PRDX1: variants seen among roughly 807,000 people sequenced by gnomAD.
The protein encoded by PRDX1 is peroxiredoxin-1.
PRDX1 carries 19 observed loss-of-function variants against 20.7 expected under a neutral mutation model. The ratio of observed to expected loss-of-function variants is 0.92; its 90% confidence interval spans 0.64 to 1.35. The LOEUF is 1.35. PRDX1 is among the 40% of genes most tolerant of loss of function. PRDX1 has a pLI of 0.00. For synonymous variants in PRDX1, 89 were observed against 83.9 expected, an observed-to-expected ratio of 1.06 and a Z score of -0.33; for missense variants, 226 against 240.0, an observed-to-expected ratio of 0.94 and a Z score of 0.38.
rs757537006 is a variant in PRDX1, at chr1:45,518,958, A to G, written c.86T>C (p.Ile29Thr). 2.5e-6 allele frequency: 4 copies of G among 1,604,378 alleles called. 1 individual carries two copies. Among genetic ancestry groups the G allele is most frequent in the Non-Finnish European group, 3.4e-6 (4 of 1,175,516 alleles). The part of the protein sequence containing the change: ...AVMPDGQFKD[I>T]SLSDYKGKYV... ...CTCACCTTTGTAGTCAGACAGGCTGATATCTTTAAACTGACCATCTGGCAT... is the reference window on the plus strand; with the variant it reads ...CTCACCTTTGTAGTCAGACAGGCTGGTATCTTTAAACTGACCATCTGGCAT... Residue 29 changes from isoleucine to threonine, a missense_variant, in exon 2 of 6, where the codon ATC becomes ACC. Physicochemically the swap from Ile to Thr is moderately conservative, Grantham distance 89. Coordinates refer to ENST00000319248, the MANE Select transcript of PRDX1 (RefSeq NM_181697.3).
At chr1:45,520,203 T>TC (rs1230130823) in intron 1 of PRDX1, among the ~76,000 whole-genome samples, 1 of 76,538 alleles carries the variant, frequency 1.3e-5, no homozygotes, top group Non-Finnish European at 2.3e-5. Flanking sequence ...AGACTCTGTC[T>TC]CCAAAAAAAA....
intron 2 of PRDX1, 106 bp from the exon 3 acceptor site, chr1:45,515,913 A>C: frequency 8.9e-7 from 1 of 1,129,680 alleles, no homozygotes; most frequent in Non-Finnish European, 1.2e-6. Flanking sequence ...ATAACCACTA[A>C]CTGCCAAGAT....
In PRDX1 at chr1:45,517,674, C is replaced by G. The variant is rs531176398; in HGVS notation, c.106+1264G>C. Among the ~76,000 whole-genome samples, 66 of 150,356 alleles carry G rather than the reference C, an allele frequency of 4.4e-4. No homozygotes were observed. The South Asian group carries it at 0.013, about 30-fold the overall frequency. On this transcript the variant is annotated intron_variant, in intron 2 of 5. Coordinates refer to ENST00000319248, the MANE Select transcript of PRDX1 (RefSeq NM_181697.3). Reference sequence around the variant, plus strand: ...GCGGGCGCCTGTAGTCCCAGCTACTCAAGAGGCTGAGGCCTGAGAATGGCA... The same window carrying G: ...GCGGGCGCCTGTAGTCCCAGCTACTGAAGAGGCTGAGGCCTGAGAATGGCA...
At chr1:45,520,628 G>C (rs1359672212) in intron 1 of PRDX1, among the ~76,000 whole-genome samples, 4 of 151,418 alleles carry the variant, frequency 2.6e-5, no homozygotes, top group Non-Finnish European at 5.9e-5. Context: ...GGAGGCTGAG[G>C]CAGGAGAATG....
intron 1 of PRDX1, among the ~76,000 whole-genome samples, chr1:45,521,327 T>C (rs1476807642): frequency 6.6e-6 from 1 of 152,074 alleles, no homozygotes; most frequent in African/African-American, 2.4e-5. Flanking sequence ...AGCGGGGACA[T>C]TTGGGCTCAT....
At chr1:45,517,875 G>T (rs1403502601) in intron 2 of PRDX1, among the ~76,000 whole-genome samples, 3 of 52,718 alleles carry the variant, frequency 5.7e-5, no homozygotes, top group Non-Finnish European at 1.3e-4. Flanking sequence ...ACAGGCAAGG[G>T]AAAGTGCCTA....
In PRDX1 at chr1:45,511,263, A is replaced by C; in HGVS notation, c.*66T>G. On this transcript the variant is annotated 3_prime_UTR_variant, in exon 6 of 6. Transcript: ENST00000319248. ...TCTTGTGTTTTACTAATGGAAAAAA[A>C]AAATACAGAAGAGGTTTTGTTCTCA... 7.4e-7 allele frequency: 1 copy of C among 1,352,526 alleles called. No homozygotes were observed. Among genetic ancestry groups the C allele is most frequent in the African/African-American group, 1.5e-5 (1 of 66,826 alleles). 83.8% of individuals were successfully genotyped at this position (1,352,526 alleles called of 1,614,324 possible).
chr1:45,511,354 T>C lies in PRDX1; in HGVS notation c.575A>G (p.Lys192Arg). Residue 192 changes from lysine (K) to arginine (R), a missense_variant, in exon 6 of 6, where the codon AAA becomes AGA. Transcript: ENST00000319248. ...TCACTTCTGCTTGGAGAAATATTCT[T>C]TGCTCTTTTGGACATCAGGCTTGAT... ...DTIKPDVQKS[K>R]EYFSKQK 6.2e-7 allele frequency: 1 copy of C among 1,613,044 alleles called. No individual in the cohort carries two copies. The highest frequency in any genetic ancestry group is 1.1e-5 in the South Asian group (1 of 90,852).
rs200769887 is a variant in PRDX1 at position 45,511,337 on chromosome 1, G to T, written c.592C>A (p.Gln198Lys). 6.2e-7 allele frequency: 1 copy of T among 1,612,086 alleles called. No homozygotes were observed. Among genetic ancestry groups the T allele is most frequent in the East Asian group, 2.2e-5 (1 of 44,758 alleles). The change falls in exon 6 of 6, where the codon CAG becomes AAG. Residue 198 changes from glutamine to lysine, a missense_variant. Transcript: ENST00000319248. ...CTAAAACAGCCCAGCGCTCACTTCT[G>T]CTTGGAGAAATATTCTTTGCTCTTT... ...VQKSKEYFSK[Q>K]K
chr1:45,513,938 G>T (rs1056489325), intron 5 of PRDX1, among the ~76,000 whole-genome samples: 1 of 152,178 alleles, frequency 6.6e-6, no homozygotes, highest in African/African-American at 2.4e-5. Context: ...CCTGTGCTAA[G>T]GAGGATTAGT....
At position 45,512,533 on chromosome 1, in the gene PRDX1, CAA is replaced by C. The variant is rs544265336; in HGVS notation, c.515-1121_515-1120del. 1.4e-4 allele frequency: 19 copies of C among 140,698 alleles called. No homozygotes were observed. The East Asian group carries it at 3.4e-3, about 25-fold the overall frequency. The allele number at this position is 140,698 out of a possible 1,614,324, so 8.7% of individuals were successfully genotyped here. A position where few individuals can be genotyped will look rare whatever the true frequency, so the allele number is the denominator to read the frequency against. ...TGGGCGACAAAACAAGACTCTGTCT[CAA>C]AAAAAAAAAGTGTTTGGCATTCATT... On this transcript the variant is annotated intron_variant, in intron 5 of 5. Coordinates refer to ENST00000319248, the MANE Select transcript of PRDX1 (RefSeq NM_181697.3).
intron 1 of PRDX1, among the ~76,000 whole-genome samples, chr1:45,521,266 C>T (rs1381114310): frequency 6.6e-6 from 1 of 152,184 alleles, no homozygotes; most frequent in Admixed American, 6.5e-5. Flanking sequence ...ACTTCAGGTG[C>T]CCCCTGTCCC....
chr1:45,521,287 T>G (rs1339902055), intron 1 of PRDX1, among the ~76,000 whole-genome samples: 2 of 152,114 alleles, frequency 1.3e-5, no homozygotes, highest in Non-Finnish European at 2.9e-5. Context: ...TCCCCAGCAC[T>G]GGAGAAAGCA....
At chr1:45,514,245 T>C (rs1379966465) in intron 5 of PRDX1, among the ~76,000 whole-genome samples, 2 of 152,056 alleles carry the variant, frequency 1.3e-5, no homozygotes, top group East Asian at 3.9e-4. Context: ...TCCACTATTA[T>C]CCTATGACCC....
chr1:45,511,465 A>C, intron 5 of PRDX1, 51 bp from the exon 6 acceptor site: 11 of 1,489,220 alleles, frequency 7.4e-6, no homozygotes, highest in East Asian at 2.3e-5. Flanking sequence ...GGTATGCACC[A>C]CCATTCTCCT....
intron 1 of PRDX1, among the ~76,000 whole-genome samples, chr1:45,520,723 C>CA (rs71052895): frequency 0.11 from 6,258 of 57,486 alleles, 479 homozygotes; most frequent in African/African-American, 0.22. Context: ...GACTCCGTCT[C>CA]AAAAAAAAAA....
upstream of PRDX1, among the ~76,000 whole-genome samples, chr1:45,522,603 AAC>A (rs908438710): frequency 6.6e-6 from 1 of 152,150 alleles, no homozygotes; most frequent in Non-Finnish European, 1.5e-5. Flanking sequence ...ACCCCCCACA[AAC>A]ACACATACAC....
At chr1:45,511,473 C>T (rs2149325440) in intron 5 of PRDX1, 59 bp from the exon 6 acceptor site, 2 of 1,424,570 alleles carry the variant, frequency 1.4e-6, no homozygotes, top group East Asian at 4.6e-5. Flanking sequence ...CCACCATTCT[C>T]CTATGGACAA....
chr1:45,517,781 CAAAAAA>C (rs59782906), intron 2 of PRDX1, among the ~76,000 whole-genome samples: 1 of 84,368 alleles, frequency 1.2e-5, no homozygotes, highest in African/African-American at 4.8e-5. Context: ...GACTCCGTCT[CAAAAAA>C]AAAAAAAAAA....
Sources: allele counts gnomAD v4.1 joint callset (sites outside exome capture counted in the v4.1 genomes callset), GRCh38; gene constraint gnomAD v4.1.1; transcripts MANE v1.5; gene names NCBI Gene and HGNC (gene_info 2026-07-23, HGNC 2026-07-21).